The following EMG1 variants were observed in gnomAD, a reference collection of about 807,000 sequenced individuals.
EMG1 encodes the protein EMG1 N1-specific pseudouridine methyltransferase.
Under a neutral mutation model 26.9 loss-of-function variants are expected in EMG1, and 24 were observed. That is an observed-to-expected ratio of 0.89 (90% CI 0.65 to 1.26). The LOEUF (loss-of-function observed/expected upper bound fraction) is 1.26, where lower values mean the gene tolerates loss of function less well. Among genes scored for constraint, EMG1 ranks in the 50% most tolerant of loss-of-function variants. EMG1 has a pLI of 0.00. For missense variants in EMG1, 299 were observed against 307.6 expected (o/e 0.97, Z 0.21); for synonymous variants, 140 against 112.6 (o/e 1.24, Z -1.54).
downstream of EMG1, among the ~76,000 whole-genome samples, chr12:6,991,125 A>C (rs1200798467): frequency 6.6e-6 from 1 of 152,202 alleles, no homozygotes; most frequent in Admixed American, 6.5e-5. Context: ...TCATAAATTT[A>C]TGGCCTCTGT....
At chr12:6,972,136 G>A (rs1399267004) in intron 1 of EMG1, among the ~76,000 whole-genome samples, 2 of 145,278 alleles carry the variant, frequency 1.4e-5, no homozygotes, top group African/African-American at 2.6e-5. Context: ...GCACGATCTT[G>A]GCTCACTGCA....
Position 6,975,316 on chromosome 12 carries a change from C to T in EMG1, c.559C>T (p.Arg187Cys), listed in dbSNP as rs782741904. The part of the protein sequence containing the change: ...SFSIPVVSDV[R>C]ELVPSSDPIV... ...TTCCATCCCGGTTGTCAGTGATGTG[C>T]GTGAGCTGGTGCCCAGCAGTGATCC... Residue 187 changes from arginine (R) to cysteine (C), a missense_variant, in exon 5 of 6, where the codon CGT (arginine) becomes TGT (cysteine). Coordinates refer to ENST00000599672, the MANE Select transcript of EMG1 (RefSeq NM_006331.8). 9.9e-6 allele frequency: 16 copies of T among 1,610,104 alleles called. No individual in the cohort carries two copies. In the African/African-American group the frequency reaches 1.2e-4, roughly 12 times the overall value.
At chr12:6,972,307 A>G (rs767462224) in intron 1 of EMG1, among the ~76,000 whole-genome samples, 1 of 152,202 alleles carries the variant, frequency 6.6e-6, no homozygotes, top group African/African-American at 2.4e-5. Context: ...TTTTTCTTCT[A>G]TAACTAAGGG....
intron 2 of EMG1, 31 bp downstream of exon 2, chr12:6,974,471 T>A (rs1555152749): frequency 6.2e-7 from 1 of 1,607,222 alleles, no homozygotes; most frequent in East Asian, 2.2e-5. Context: ...CACAACCCTT[T>A]GAGCCTCTGT....
chr12:6,972,039 A>G (rs1223229841), intron 1 of EMG1, among the ~76,000 whole-genome samples: 2 of 151,362 alleles, frequency 1.3e-5, no homozygotes, highest in African/African-American at 4.9e-5. Context: ...AAGTCAGGCC[A>G]GGATTTTAAT....
rs1360629352 is a variant in EMG1, at chr12:6,987,374, T to C, written c.*155-408T>C. 2.0e-5 allele frequency among the ~76,000 whole-genome samples: 3 copies of C among 152,220 alleles called. No homozygotes were observed. The highest frequency in any genetic ancestry group is 7.2e-5 in the African/African-American group (3 of 41,452). On this transcript the variant is annotated intron_variant and NMD_transcript_variant, in intron 6 of 7. Transcript: ENST00000261406. This position sits in a 1 kb window ranked among gnomAD's most constrained non-coding sequence, Gnocchi z 4.1. ...CTGAGATGATGGGATATAGGATCAC[T>C]AGCTCTAGGGAGGTGGAGACATCTA...
chr12:6,978,749 C>A lies in EMG1; in HGVS notation c.*2940C>A. Reference sequence around the variant, plus strand: ...CACATGACTAGGCAGTTTCTCTCAGCACTCTTCCTTTTCACACTTGTGGCT... The same window carrying A: ...CACATGACTAGGCAGTTTCTCTCAGAACTCTTCCTTTTCACACTTGTGGCT... On this transcript the variant is annotated 3_prime_UTR_variant, in exon 6 of 6. Transcript: ENST00000599672. The A allele has an allele frequency of 1.3e-6, 2 of 1,589,250 alleles. No homozygotes were observed. Among genetic ancestry groups the A allele is most frequent in the Non-Finnish European group, 1.7e-6 (2 of 1,167,102 alleles).
chr12:6,972,960 C>T (rs1439692944), intron 1 of EMG1, among the ~76,000 whole-genome samples: 2 of 151,946 alleles, frequency 1.3e-5, no homozygotes, highest in Admixed American at 6.6e-5. Flanking sequence ...ACCTCATCCT[C>T]CTGAGTAACT....
intron 1 of EMG1, among the ~76,000 whole-genome samples, chr12:6,973,191 C>CT (rs34615330): frequency 0.045 from 6,863 of 151,100 alleles, 256 homozygotes; most frequent in African/African-American, 0.1. Flanking sequence ...TTTCTTTTTT[C>CT]TTTTTTTTGA....
At chr12:6,974,841 CTA>C (rs1325878600) in intron 3 of EMG1, 148 bp downstream of exon 3, 9 of 978,562 alleles carry the variant, frequency 9.2e-6, no homozygotes, top group African/African-American at 3.3e-5. Context: ...TATTATTTTT[CTA>C]TGTTTGTGGA....
At chr12:6,994,364 T>G (rs1376390272) in intron 7 of EMG1, among the ~76,000 whole-genome samples, 15 of 151,854 alleles carry the variant, frequency 9.9e-5, no homozygotes, top group Admixed American at 9.8e-4. Context: ...TGCACCACCA[T>G]GCCCAGCTAA....
Position 6,975,301 on chromosome 12 carries a change from G to A in EMG1, c.544G>A (p.Val182Ile), listed in dbSNP as rs1184862119. 3 of 1,611,760 alleles carry A rather than the reference G, an allele frequency of 1.9e-6. No homozygotes were observed. The highest frequency in any genetic ancestry group is 2.5e-6 in the Non-Finnish European group (3 of 1,178,778). The change falls in exon 5 of 6, where the codon GTT becomes ATT. Residue 182 changes from valine (V) to isoleucine (I), a missense_variant. Coordinates refer to ENST00000599672, the MANE Select transcript of EMG1 (RefSeq NM_006331.8). ...MKVGTSFSIP[V>I]VSDVRELVPS... ...AGTTGGCACTTCTTTTTCCATCCCGGTTGTCAGTGATGTGCGTGAGCTGGT... is the reference window on the plus strand; with the variant it reads ...AGTTGGCACTTCTTTTTCCATCCCGATTGTCAGTGATGTGCGTGAGCTGGT...
At chr12:6,972,122 A>C (rs1346235421) in intron 1 of EMG1, among the ~76,000 whole-genome samples, 1 of 143,996 alleles carries the variant, frequency 6.9e-6, no homozygotes, top group African/African-American at 2.6e-5. Context: ...GCTGGAGTGC[A>C]GTGGCACGAT....
At chr12:6,982,918 G>C (rs1946485552), downstream of EMG1, 2 of 670,830 alleles carry the variant, frequency 3.0e-6, no homozygotes, top group Non-Finnish European at 5.4e-6. Flanking sequence ...TGTTTTGGAG[G>C]AGAGGATGGA....
chr12:6,989,678 G>C (rs956488892), downstream of EMG1, among the ~76,000 whole-genome samples: 1 of 152,148 alleles, frequency 6.6e-6, no homozygotes, highest in Non-Finnish European at 1.5e-5. Flanking sequence ...CAAGCACAGG[G>C]AGTGGATAGA....
At chr12:6,988,864 C>T (rs782184492), downstream of EMG1, among the ~76,000 whole-genome samples, 39 of 152,154 alleles carry the variant, frequency 2.6e-4, no homozygotes, top group Non-Finnish European at 4.4e-4. Context: ...CCGTGGCTCA[C>T]GCCTGTAATC....
chr12:6,991,155 C>T (rs1946586841), downstream of EMG1, among the ~76,000 whole-genome samples: 1 of 152,066 alleles, frequency 6.6e-6, no homozygotes, highest in Non-Finnish European at 1.5e-5. Flanking sequence ...TAGAAGATGA[C>T]TGGATTCTCA....
downstream of EMG1, among the ~76,000 whole-genome samples, chr12:6,984,525 A>C (rs1272685622): frequency 6.6e-6 from 1 of 152,166 alleles, no homozygotes. Flanking sequence ...CATTCTGCCT[A>C]TTCTTTCATT....
chr12:6,985,731 C>G (rs370252408), intron 6 of EMG1, among the ~76,000 whole-genome samples: 1 of 151,040 alleles, frequency 6.6e-6, no homozygotes. Flanking sequence ...AACAAACAAA[C>G]AAATGCCATT....
Sources: gnomAD v4.1 joint callset for allele counts (sites outside exome capture counted in the v4.1 genomes callset) on GRCh38, gnomAD v4.1.1 for gene constraint, Gnocchi (gnomAD v3.1) non-coding constraint, MANE v1.5 for transcripts, NCBI Gene and HGNC (gene_info 2026-07-23, HGNC 2026-07-21) for gene names.